Variants in PPARGC1A observed in about 807,000 individuals in gnomAD.
PPARGC1A encodes the protein peroxisome proliferator-activated receptor gamma coactivator 1-alpha.
A neutral mutation model predicts 88.7 loss-of-function variants in PPARGC1A; 25 were observed. The observed-to-expected ratio is 0.28, with a 90% CI of 0.21 to 0.39. PPARGC1A has a LOEUF of 0.39. Among genes scored for constraint, PPARGC1A ranks in the 10% least tolerant of loss-of-function variants. The probability of loss-of-function intolerance (pLI) is 1.00; values close to 1 mark genes in which losing one functional copy is unlikely to be tolerated. For synonymous variants in PPARGC1A, 363 were observed against 355.6 expected (o/e 1.02, Z -0.24); for missense variants, 880 against 968.7 (o/e 0.91, Z 1.22).
the PPARGC1A span, among the ~76,000 whole-genome samples, chr4:24,266,084 C>A: frequency 6.6e-6 from 1 of 152,136 alleles, no homozygotes; most frequent in Admixed American, 6.6e-5. Flanking sequence ...CTACAGACTG[C>A]AAATCAAGAA....
At chr4:24,296,669 A>G in the PPARGC1A span, among the ~76,000 whole-genome samples, 1 of 152,142 alleles carries the variant, frequency 6.6e-6, no homozygotes, top group Non-Finnish European at 1.5e-5. Flanking sequence ...TTAGCATCCC[A>G]TTCCCATTTC....
At chr4:23,894,257 G>C (rs1718251205), upstream of PPARGC1A, among the ~76,000 whole-genome samples, 1 of 152,058 alleles carries the variant, frequency 6.6e-6, no homozygotes, top group Non-Finnish European at 1.5e-5. Flanking sequence ...TTTCAAGTTA[G>C]TCATTGTTAA....
the PPARGC1A span, among the ~76,000 whole-genome samples, chr4:23,918,239 G>T: frequency 1.3e-5 from 2 of 151,044 alleles, no homozygotes; most frequent in Non-Finnish European, 2.9e-5. Context: ...CTTTTTTTTG[G>T]GGGGATGGAG....
At chr4:24,200,568 G>A in the PPARGC1A span, among the ~76,000 whole-genome samples, 1 of 143,686 alleles carries the variant, frequency 7.0e-6, no homozygotes, top group Non-Finnish European at 1.5e-5. Flanking sequence ...TAGAGTAGCA[G>A]TTACCTCTGA....
intron 1 of PPARGC1A, chr4:23,889,150 A>C (rs1211921352): frequency 4.1e-6 from 4 of 985,150 alleles, no homozygotes; most frequent in African/African-American, 1.7e-5. Context: ...CTATTTTTAC[A>C]CTAGCAGCGA....
the PPARGC1A span, among the ~76,000 whole-genome samples, chr4:23,975,609 G>T: frequency 6.6e-5 from 10 of 152,186 alleles, 1 homozygote; most frequent in South Asian, 2.1e-3. Flanking sequence ...GTAGAGACAG[G>T]GTTTCACGAT....
chr4:24,427,045 G>A, the PPARGC1A span, among the ~76,000 whole-genome samples: 1 of 152,162 alleles, frequency 6.6e-6, no homozygotes, highest in African/African-American at 2.4e-5. Context: ...AAAACACTGA[G>A]GCACAGGTAA....
the PPARGC1A span, among the ~76,000 whole-genome samples, chr4:23,961,482 A>G: frequency 6.6e-6 from 1 of 152,160 alleles, no homozygotes; most frequent in African/African-American, 2.4e-5. Context: ...TGCACATCTT[A>G]TCCTTTCTAT....
At chr4:23,974,242 C>G in the PPARGC1A span, among the ~76,000 whole-genome samples, 1 of 152,108 alleles carries the variant, frequency 6.6e-6, no homozygotes, top group African/African-American at 2.4e-5. Context: ...TTCCGCAAAC[C>G]ATCTGTGACA....
the PPARGC1A span, among the ~76,000 whole-genome samples, chr4:23,951,626 G>A: frequency 6.6e-6 from 1 of 152,152 alleles, no homozygotes; most frequent in South Asian, 2.1e-4. Flanking sequence ...TGTCAGGGAT[G>A]AGAGTCTCAG....
At chr4:24,252,667 G>A in the PPARGC1A span, among the ~76,000 whole-genome samples, 8 of 152,020 alleles carry the variant, frequency 5.3e-5, no homozygotes, top group Admixed American at 2.6e-4. Context: ...TGCTCTTCTC[G>A]TTCCCCTAAC....
chr4:24,018,768 C>CT, the PPARGC1A span, among the ~76,000 whole-genome samples: 57 of 151,484 alleles, frequency 3.8e-4, no homozygotes, highest in East Asian at 0.011. Flanking sequence ...CACTTTCACT[C>CT]TTTTTTTTTT....
chr4:24,388,302 T>G, the PPARGC1A span, among the ~76,000 whole-genome samples: 9 of 152,140 alleles, frequency 5.9e-5, no homozygotes, highest in Non-Finnish European at 1.3e-4. Flanking sequence ...ATGGCAATCA[T>G]TAAAAAGTCA....
At chr4:24,409,507 A>G in the PPARGC1A span, among the ~76,000 whole-genome samples, 5 of 152,358 alleles carry the variant, frequency 3.3e-5, no homozygotes, top group Non-Finnish European at 5.9e-5. Context: ...AAGTGCTACA[A>G]AATCACAGAT....
At chr4:24,246,966 C>T in the PPARGC1A span, among the ~76,000 whole-genome samples, 273 of 151,758 alleles carry the variant, frequency 1.8e-3, no homozygotes, top group Non-Finnish European at 2.7e-3. Context: ...GCTAGAGCCA[C>T]GCCAAACCAA....
chr4:24,352,164 G>A, the PPARGC1A span, among the ~76,000 whole-genome samples: 231 of 152,260 alleles, frequency 1.5e-3, 1 homozygote, highest in Middle Eastern at 0.01. Flanking sequence ...AGAAGCCTGG[G>A]ATCGGAGGGA....
chr4:23,976,963 A>G, the PPARGC1A span, among the ~76,000 whole-genome samples: 1 of 152,072 alleles, frequency 6.6e-6, no homozygotes, highest in Non-Finnish European at 1.5e-5. Flanking sequence ...GAAGAAGAGG[A>G]AAAGGAAAAG....
At chr4:24,111,140 A>G in the PPARGC1A span, among the ~76,000 whole-genome samples, 3 of 152,154 alleles carry the variant, frequency 2.0e-5, no homozygotes, top group Non-Finnish European at 4.4e-5. Context: ...ACTTATTACA[A>G]TACTGTTTGA....
chr4:23,993,663 C>T, the PPARGC1A span, among the ~76,000 whole-genome samples: 2 of 152,074 alleles, frequency 1.3e-5, no homozygotes, highest in Admixed American at 1.3e-4. Context: ...CAGCTCAGCT[C>T]ATCAGGGCTA....
Sources: gnomAD v4.1 joint callset for allele counts (sites outside exome capture counted in the v4.1 genomes callset) on GRCh38, gnomAD v4.1.1 for gene constraint, MANE v1.5 for transcripts, NCBI Gene and HGNC (gene_info 2026-07-23, HGNC 2026-07-21) for gene names.